Variants in FRMPD3 observed in about 807,000 individuals in gnomAD.
FRMPD3 encodes the protein FERM and PDZ domain containing 3, also known as FERM and PDZ domain-containing protein 3.
FRMPD3 carries 42 observed loss-of-function variants against 97.9 expected under a neutral mutation model. The observed-to-expected ratio is 0.43, with a 90% CI of 0.34 to 0.55. The LOEUF (loss-of-function observed/expected upper bound fraction) is 0.55, where lower values mean the gene tolerates loss of function less well. FRMPD3 is among the 20% of genes least tolerant of loss of function. The pLI, the probability that FRMPD3 is intolerant of heterozygous loss-of-function variation, is 0.03. For synonymous variants in FRMPD3, 577 were observed against 581.1 expected, an observed-to-expected ratio of 0.99 and a Z score of 0.10; for missense variants, 1,303 against 1,457.7, an observed-to-expected ratio of 0.89 and a Z score of 1.73.
intron 13 of FRMPD3, among the ~76,000 whole-genome samples, chrX:107,589,614 T>A (rs1383618346): frequency 8.9e-6 from 1 of 111,842 alleles, no homozygotes; most frequent in Non-Finnish European, 1.9e-5. Context: ...TTATGGTTCT[T>A]TTCCATGGGA....
At chrX:107,574,521 A>T (rs1282097411) in intron 12 of FRMPD3, among the ~76,000 whole-genome samples, 2 of 112,464 alleles carry the variant, frequency 1.8e-5, no homozygotes, top group Middle Eastern at 4.6e-3. Context: ...AGCCCTTTAT[A>T]GAAAATGTGT....
intron 1 of FRMPD3, among the ~76,000 whole-genome samples, chrX:107,456,591 T>C (rs1349446872): frequency 8.9e-6 from 1 of 112,459 alleles, no homozygotes; most frequent in African/African-American, 3.2e-5. Context: ...TGCCTTTGTA[T>C]TATCCATTAC....
chrX:107,461,478 C>T (rs73249845), intron 1 of FRMPD3, among the ~76,000 whole-genome samples: 20 of 110,850 alleles, frequency 1.8e-4, no homozygotes, highest in Non-Finnish European at 3.0e-4. Flanking sequence ...CGAATCCACC[C>T]CCTCTTGACC....
intron 10 of FRMPD3, among the ~76,000 whole-genome samples, chrX:107,561,927 C>T (rs949540351): frequency 8.9e-6 from 1 of 112,288 alleles, no homozygotes; most frequent in African/African-American, 3.2e-5. Context: ...CTGGTCTTGG[C>T]CCCTGAGTCA....
At chrX:107,539,313 C>T (rs760514718) in intron 4 of FRMPD3, among the ~76,000 whole-genome samples, 4 of 112,163 alleles carry the variant, frequency 3.6e-5, no homozygotes, top group African/African-American at 1.3e-4. Flanking sequence ...ACTTAATAAG[C>T]TTCTGTGTAC....
At chrX:107,591,324 A>AT (rs933224749) in intron 13 of FRMPD3, among the ~76,000 whole-genome samples, 4 of 110,138 alleles carry the variant, frequency 3.6e-5, no homozygotes, top group Non-Finnish European at 7.6e-5. Context: ...TGCCCAGCTA[A>AT]TTTTTTGTAT....
rs1353877448 is a variant in FRMPD3 at position 107,564,910 on chromosome X, G to A, written c.1140G>A (p.Thr380=). Residue 380 remains threonine, a synonymous_variant, in exon 12 of 15, where the codon ACG becomes ACA. Coordinates refer to ENST00000683843, the MANE Select transcript of FRMPD3 (RefSeq NM_001388459.1). The part of the protein sequence containing the change: ...VGLDEKQSAT[T]LLVGPRHGIS... Reference sequence around the variant, plus strand: ...AGGATGAGAAGCAGTCGGCCACCACGCTCCTGGTGGGACCCCGTCATGGCA... The same window carrying A: ...AGGATGAGAAGCAGTCGGCCACCACACTCCTGGTGGGACCCCGTCATGGCA... 9 of 1,210,625 alleles carry A rather than the reference G, an allele frequency of 7.4e-6. No individual in the cohort carries two copies. Among genetic ancestry groups the A allele is most frequent in the Middle Eastern group, 2.3e-4 (1 of 4,345 alleles).
chrX:107,525,866 A>G (rs1319120434), intron 1 of FRMPD3, among the ~76,000 whole-genome samples: 3 of 111,503 alleles, frequency 2.7e-5, no homozygotes, highest in African/African-American at 9.8e-5. Context: ...ACTTGAGGCC[A>G]GGAGTTCGAG....
chrX:107,512,327 G>A (rs1462595687), intron 1 of FRMPD3, among the ~76,000 whole-genome samples: 1 of 111,409 alleles, frequency 9.0e-6, no homozygotes. Context: ...GAGCCCTGAG[G>A]GCAGAGCTGG....
intron 8 of FRMPD3, among the ~76,000 whole-genome samples, chrX:107,559,969 T>C (rs1922271423): frequency 9.2e-6 from 1 of 108,301 alleles, no homozygotes; most frequent in Non-Finnish European, 1.9e-5. Flanking sequence ...AAGGGAGTGG[T>C]GCCATGTCTC....
chrX:107,510,441 C>T (rs1455607155), intron 1 of FRMPD3, among the ~76,000 whole-genome samples: 4 of 111,468 alleles, frequency 3.6e-5, no homozygotes, highest in Admixed American at 1.9e-4. Flanking sequence ...CATCCAAAGA[C>T]GAGCCCACAG....
chrX:107,548,622 T>C (rs1281841853), intron 5 of FRMPD3, among the ~76,000 whole-genome samples: 3 of 112,825 alleles, frequency 2.7e-5, no homozygotes, highest in Non-Finnish European at 3.7e-5. Context: ...GAAAGACAAA[T>C]ATCCTTCAAA....
chrX:107,508,184 T>C (rs1169562761), intron 1 of FRMPD3, among the ~76,000 whole-genome samples: 1 of 111,926 alleles, frequency 8.9e-6, no homozygotes. Flanking sequence ...CTACTAGAAA[T>C]ATGATGAGAA....
intron 1 of FRMPD3, among the ~76,000 whole-genome samples, chrX:107,506,950 G>A (rs746924747): frequency 1.8e-4 from 20 of 111,636 alleles, no homozygotes; most frequent in South Asian, 3.8e-4. Flanking sequence ...CGAGAGGGAG[G>A]CAACGAGAGG....
In FRMPD3 at chrX:107,503,854, G is replaced by A. The variant is rs1425191112; in HGVS notation, c.-7-22728G>A. On this transcript the variant is annotated intron_variant, in intron 1 of 14. Coordinates refer to ENST00000683843, the MANE Select transcript of FRMPD3 (RefSeq NM_001388459.1). Reference sequence around the variant, plus strand: ...GGGCAAAAGTGAATCCAGGGTTCAGGCCACCCTGATGGGCAAGGAAGGAGT... The same window carrying A: ...GGGCAAAAGTGAATCCAGGGTTCAGACCACCCTGATGGGCAAGGAAGGAGT... 7.1e-5 allele frequency among the ~76,000 whole-genome samples: 8 copies of A among 111,910 alleles called. No individual in the cohort carries two copies. The South Asian group carries it at 2.2e-3, about 31-fold the overall frequency.
At chrX:107,460,689 GC>G (rs1247238587) in intron 1 of FRMPD3, among the ~76,000 whole-genome samples, 1 of 111,153 alleles carries the variant, frequency 9.0e-6, no homozygotes, top group Non-Finnish European at 1.9e-5. Context: ...ACCGTGTCCA[GC>G]CCCCAGAGGA....
chrX:107,511,569 C>T (rs1347067710), intron 1 of FRMPD3, among the ~76,000 whole-genome samples: 1 of 113,039 alleles, frequency 8.8e-6, no homozygotes, highest in Non-Finnish European at 1.9e-5. Flanking sequence ...AGGAAGGAAG[C>T]AGATGGCACA....
intron 8 of FRMPD3, among the ~76,000 whole-genome samples, chrX:107,555,583 A>T (rs1332506818): frequency 7.2e-5 from 8 of 111,887 alleles, no homozygotes; most frequent in Non-Finnish European, 1.5e-4. Context: ...CTGCTTTATG[A>T]TGGTGGTTTA....
intron 12 of FRMPD3, among the ~76,000 whole-genome samples, chrX:107,575,607 C>T (rs913701821): frequency 8.1e-5 from 9 of 111,607 alleles, no homozygotes; most frequent in Non-Finnish European, 1.7e-4. Flanking sequence ...CCTGCCACCA[C>T]GCCAGGCTAA....
Sources: allele counts gnomAD v4.1 joint callset (sites outside exome capture counted in the v4.1 genomes callset), GRCh38; gene constraint gnomAD v4.1.1; transcripts MANE v1.5; gene names NCBI Gene and HGNC (gene_info 2026-07-23, HGNC 2026-07-21).